EIF2B3: variants seen among roughly 807,000 people sequenced by gnomAD.
The protein encoded by EIF2B3 is translation initiation factor eIF2B subunit gamma.
In EIF2B3, 20 loss-of-function variants were observed where a neutral mutation model predicts 54.1. The observed-to-expected ratio is 0.37, with a 90% CI of 0.26 to 0.54. The LOEUF is 0.54. EIF2B3 is among the 20% of genes least tolerant of loss of function. The pLI is 0.86. For missense variants in EIF2B3, 448 were observed against 547.8 expected, an observed-to-expected ratio of 0.82 and a Z score of 1.82; for synonymous variants, 153 against 188.1, an observed-to-expected ratio of 0.81 and a Z score of 1.52.
chr1:44,915,180 A>T (rs1296535493), intron 5 of EIF2B3, among the ~76,000 whole-genome samples: 1 of 151,042 alleles, frequency 6.6e-6, no homozygotes, highest in East Asian at 2.0e-4. Context: ...CATGCCTGTA[A>T]TCCCACCTAC....
chr1:44,913,554 G>C (rs1643559270), intron 5 of EIF2B3, among the ~76,000 whole-genome samples: 1 of 152,006 alleles, frequency 6.6e-6, no homozygotes, highest in South Asian at 2.1e-4. Flanking sequence ...ACCCAGGCTA[G>C]AGTTCAGTGG....
At chr1:44,964,772 T>C (rs972228929) in intron 3 of EIF2B3, among the ~76,000 whole-genome samples, 2 of 152,184 alleles carry the variant, frequency 1.3e-5, no homozygotes, top group Non-Finnish European at 2.9e-5. Context: ...CTAGATTAAA[T>C]AGAGAATTAT....
chr1:44,926,519 A>G (rs1022296045), intron 5 of EIF2B3, 109 bp downstream of exon 5: 11 of 861,732 alleles, frequency 1.3e-5, no homozygotes, highest in Non-Finnish European at 2.1e-5. Flanking sequence ...ACTTTTGTCA[A>G]TTTCACACAG....
intron 3 of EIF2B3, among the ~76,000 whole-genome samples, chr1:44,974,994 A>G (rs1289101173): frequency 6.6e-6 from 1 of 151,838 alleles, no homozygotes; most frequent in Admixed American, 6.6e-5. Context: ...GTGGGAGGAC[A>G]GCTTGAGCCC....
chr1:44,885,752 AT>A (rs879823312), intron 6 of EIF2B3, among the ~76,000 whole-genome samples: 837 of 146,062 alleles, frequency 5.7e-3, no homozygotes, highest in Non-Finnish European at 6.9e-3. Flanking sequence ...ACTGTAAAGA[AT>A]TTTTTTTTTT....
intron 3 of EIF2B3, among the ~76,000 whole-genome samples, chr1:44,944,922 C>T (rs1408333937): frequency 1.3e-5 from 2 of 151,810 alleles, no homozygotes; most frequent in African/African-American, 4.8e-5. Flanking sequence ...GTAAGTACTC[C>T]AAACTTTCCT....
chr1:44,886,269 C>T (rs796798682), intron 6 of EIF2B3, among the ~76,000 whole-genome samples: 155 of 147,696 alleles, frequency 1.0e-3, no homozygotes, highest in Middle Eastern at 3.9e-3. Flanking sequence ...TTAGTAGAGA[C>T]GGGGTTTCAA....
intron 2 of EIF2B3, among the ~76,000 whole-genome samples, chr1:44,979,968 T>G (rs754611245): frequency 2.4e-4 from 36 of 151,614 alleles, no homozygotes; most frequent in Non-Finnish European, 5.2e-4. Flanking sequence ...TCCAACATTT[T>G]AAATCTTCAT....
intron 3 of EIF2B3, among the ~76,000 whole-genome samples, chr1:44,968,140 G>T (rs530858591): frequency 1.4e-4 from 21 of 152,142 alleles, no homozygotes; most frequent in African/African-American, 5.1e-4. Context: ...GAGGCAGGCA[G>T]ATCATTTGAG....
rs570038780 is a variant in EIF2B3 at position 44,923,940 on chromosome 1, C to CTT, written c.566+2686_566+2687dup. On this transcript the variant is annotated intron_variant, in intron 5 of 11. Coordinates refer to ENST00000360403, the MANE Select transcript of EIF2B3 (RefSeq NM_020365.5). Reference sequence around the variant, plus strand: ...AACCTCAGAGATTCTAATTTCTTTCCTTTTTTTTTTTTTTTTTTGAGACAG... The same window carrying CTT: ...AACCTCAGAGATTCTAATTTCTTTCCTTTTTTTTTTTTTTTTTTTTGAGACAG... Among the ~76,000 whole-genome samples, 143 of 131,692 alleles carry CTT rather than the reference C, an allele frequency of 1.1e-3. 1 individual carries two copies. The highest frequency in any genetic ancestry group is 3.6e-3 in the African/African-American group (123 of 34,216). 86.4% of individuals were successfully genotyped at this position (131,692 alleles called of 152,430 possible). A position where few individuals can be genotyped will look rare whatever the true frequency, so the allele number is the denominator to read the frequency against.
chr1:44,932,972 T>C (rs868810287), intron 4 of EIF2B3, among the ~76,000 whole-genome samples: 3 of 151,938 alleles, frequency 2.0e-5, no homozygotes, highest in Non-Finnish European at 4.4e-5. Flanking sequence ...AAACGTGAGG[T>C]TCAAGATATG....
intron 7 of EIF2B3, among the ~76,000 whole-genome samples, chr1:44,880,484 A>T (rs917908593): frequency 5.9e-5 from 9 of 152,212 alleles, no homozygotes; most frequent in Non-Finnish European, 5.9e-5. Flanking sequence ...TTTAGTGGCC[A>T]GCCAGGTTGA....
intron 4 of EIF2B3, among the ~76,000 whole-genome samples, chr1:44,935,592 C>A (rs996999662): frequency 6.6e-6 from 1 of 152,116 alleles, no homozygotes; most frequent in Non-Finnish European, 1.5e-5. Context: ...CTCTGCCTCC[C>A]GGGTTCAAGC....
chr1:44,885,901 A>ATTT (rs57544990), intron 6 of EIF2B3, among the ~76,000 whole-genome samples: 24,125 of 132,896 alleles, frequency 0.18, 2,376 homozygotes, highest in African/African-American at 0.23. Context: ...CGCTTGGCTA[A>ATTT]TTTTTTTTTT....
At chr1:44,887,631 A>G (rs948608667) in intron 6 of EIF2B3, among the ~76,000 whole-genome samples, 1 of 152,244 alleles carries the variant, frequency 6.6e-6, no homozygotes, top group Non-Finnish European at 1.5e-5. Context: ...AAAGATTTCA[A>G]TATTTTTATT....
chr1:44,891,746 G>A (rs1655803708), intron 6 of EIF2B3, among the ~76,000 whole-genome samples: 2 of 152,198 alleles, frequency 1.3e-5, no homozygotes, highest in South Asian at 4.1e-4. Flanking sequence ...TATAACATTT[G>A]TAGGCTTCTA....
intron 1 of EIF2B3, among the ~76,000 whole-genome samples, chr1:44,984,016 A>G (rs1452833536): frequency 6.6e-6 from 1 of 151,858 alleles, no homozygotes; most frequent in East Asian, 2.0e-4. Context: ...CCTCTACCAA[A>G]AACATTTTTA....
chr1:44,964,931 G>A (rs571933802), intron 3 of EIF2B3, among the ~76,000 whole-genome samples: 7 of 152,176 alleles, frequency 4.6e-5, no homozygotes, highest in Admixed American at 2.6e-4. Flanking sequence ...AGGAATAATC[G>A]CAGTCTGTTT....
intron 3 of EIF2B3, among the ~76,000 whole-genome samples, chr1:44,965,300 C>T (rs1366476739): frequency 6.6e-6 from 1 of 152,142 alleles, no homozygotes; most frequent in Non-Finnish European, 1.5e-5. Flanking sequence ...GAATTGTACA[C>T]TTTAAAAGAG....
Sources: gnomAD v4.1 joint callset for allele counts (sites outside exome capture counted in the v4.1 genomes callset) on GRCh38, gnomAD v4.1.1 for gene constraint, MANE v1.5 for transcripts, NCBI Gene and HGNC (gene_info 2026-07-23, HGNC 2026-07-21) for gene names.